Variants in UBR1 observed in about 807,000 individuals in gnomAD.
The protein encoded by UBR1 is E3 ubiquitin-protein ligase UBR1.
Under a neutral mutation model 242.1 loss-of-function variants are expected in UBR1, and 102 were observed. The ratio of observed to expected loss-of-function variants is 0.42; its 90% CI spans 0.36 to 0.50. UBR1 has a LOEUF of 0.50. UBR1 is among the 20% of genes least tolerant of loss of function. The pLI, the probability that UBR1 is intolerant of heterozygous loss-of-function variation, is 0.01. For missense variants in UBR1, 1,772 were observed against 2,101.8 expected (o/e 0.84, Z 3.07); for synonymous variants, 675 against 684.8 (o/e 0.99, Z 0.22).
rs1403669374 is a variant in UBR1 at position 42,984,872 on chromosome 15, T to C, written c.4053+15A>G. The C allele has an allele frequency of 1.2e-6, 2 of 1,607,534 alleles. No homozygotes were observed. The highest frequency in any genetic ancestry group is 8.5e-7 in the Non-Finnish European group (1 of 1,174,544). On this transcript the variant is annotated intron_variant, in intron 36 of 46. Transcript: ENST00000290650. Reference sequence around the variant, plus strand: ...CATGCCATGAGTTACATGTACCTTGTTGGAATATACATACCTGCCTATTTT... The same window carrying C: ...CATGCCATGAGTTACATGTACCTTGCTGGAATATACATACCTGCCTATTTT...
chr15:43,100,903 G>C (rs2034226149), intron 1 of UBR1, among the ~76,000 whole-genome samples: 1 of 152,230 alleles, frequency 6.6e-6, no homozygotes, highest in Non-Finnish European at 1.5e-5. Context: ...TCTCCCTCTG[G>C]AGGAAGAAAC....
intron 3 of UBR1, among the ~76,000 whole-genome samples, chr15:43,081,062 T>C (rs2033969102): frequency 6.6e-6 from 1 of 152,220 alleles, no homozygotes; most frequent in Non-Finnish European, 1.5e-5. Context: ...GTATGTTTAC[T>C]TCTGTAAAAA....
Position 43,018,151 on chromosome 15 carries a change from C to T in UBR1, c.2941-970G>A, listed in dbSNP as rs144615319. Among the ~76,000 whole-genome samples the T allele has an allele frequency of 1.3e-3, 196 of 151,804 alleles. 2 individuals carry two copies. Among genetic ancestry groups the T allele is most frequent in the African/African-American group, 4.1e-3 (171 of 41,398 alleles). ...CTGAATAGCTAGGACTACAGGTGCC[C>T]GCCATAACGCCCGGCTAATTTTTGT... On this transcript the variant is annotated intron_variant, in intron 27 of 46. Coordinates refer to ENST00000290650, the MANE Select transcript of UBR1 (RefSeq NM_174916.3).
chr15:42,970,698 C>T (rs1344708932), intron 39 of UBR1, 91 bp from the exon 40 acceptor site: 10 of 1,178,732 alleles, frequency 8.5e-6, no homozygotes, highest in Admixed American at 7.4e-5. Flanking sequence ...CAATAAACAA[C>T]GTAGATTCAT....
chr15:43,055,146 T>C (rs1470969980), intron 11 of UBR1, among the ~76,000 whole-genome samples: 1 of 152,242 alleles, frequency 6.6e-6, no homozygotes, highest in Non-Finnish European at 1.5e-5. Flanking sequence ...ACAGGTTATC[T>C]AGATAAATGT....
chr15:43,017,877 G>A (rs966467756), intron 27 of UBR1, among the ~76,000 whole-genome samples: 1 of 151,244 alleles, frequency 6.6e-6, no homozygotes, highest in African/African-American at 2.4e-5. Flanking sequence ...ACCTCTATCA[G>A]AATATATAAT....
chr15:43,090,983 A>G lies in UBR1; in HGVS notation c.82-4743T>C, dbSNP rs892684701. ...AGGTGGAGTTTTGCTCTTCTTGCCC[A>G]GGCTGGAGTGCAATGGCACGATCTC... On this transcript the variant is annotated intron_variant, in intron 1 of 46. Transcript: ENST00000290650. Among the ~76,000 whole-genome samples the G allele has an allele frequency of 1.6e-4, 24 of 152,268 alleles. No individual in the cohort carries two copies. The South Asian group carries it at 5.0e-3, about 32-fold the overall frequency.
chr15:43,017,735 G>A (rs982843487), intron 27 of UBR1, among the ~76,000 whole-genome samples: 19 of 151,342 alleles, frequency 1.3e-4, no homozygotes, highest in Non-Finnish European at 2.4e-4. Flanking sequence ...GCTTGAACCT[G>A]GGAAGTGAAG....
chr15:42,957,738 T>C (rs893016145), intron 44 of UBR1, among the ~76,000 whole-genome samples: 4 of 152,020 alleles, frequency 2.6e-5, no homozygotes, highest in African/African-American at 9.7e-5. Flanking sequence ...TAGCAGGGCA[T>C]GGTGGCGCCT....
chr15:42,964,197 C>T lies in UBR1; in HGVS notation c.4592-154G>A, dbSNP rs138877064. On this transcript the variant is annotated intron_variant, in intron 41 of 46. Coordinates refer to ENST00000290650, the MANE Select transcript of UBR1 (RefSeq NM_174916.3). ...AAAACCATGGGTGGCAGTCCGGGCA[C>T]GGTGGCTCATGCCTGTAATCCCAGC... 4.2e-3 allele frequency among the ~76,000 whole-genome samples: 642 copies of T among 152,212 alleles called. 14 individuals are homozygous for T. In the East Asian group the frequency reaches 0.051, roughly 12 times the overall value.
chr15:42,969,915 T>G (rs916985129), intron 40 of UBR1, among the ~76,000 whole-genome samples: 1 of 152,228 alleles, frequency 6.6e-6, no homozygotes, highest in African/African-American at 2.4e-5. Context: ...ATGGTCGTAC[T>G]GCTCAAAGTA....
At chr15:42,988,789 C>T (rs749731253) in intron 35 of UBR1, 30 bp downstream of exon 35, 1 of 1,613,974 alleles carries the variant, frequency 6.2e-7, no homozygotes, top group South Asian at 1.1e-5. Context: ...CTCACTGAAA[C>T]CTCCAAACCA....
chr15:42,996,194 T>C (rs2032635604), intron 33 of UBR1, among the ~76,000 whole-genome samples: 1 of 152,232 alleles, frequency 6.6e-6, no homozygotes, highest in African/African-American at 2.4e-5. Context: ...TGAGTCCTAT[T>C]GTTTTATACT....
Position 42,945,292 on chromosome 15 carries a change from G to A in UBR1, c.*37C>T. On this transcript the variant is annotated 3_prime_UTR_variant, in exon 47 of 47. Coordinates refer to ENST00000290650, the MANE Select transcript of UBR1 (RefSeq NM_174916.3). ...TAATTTTGAATCAGCCTTTACTACT[G>A]TCGTCATTTGTGATTGTCTTGAGGC... 6.2e-7 allele frequency: 1 copy of A among 1,613,908 alleles called. No homozygotes were observed. The highest frequency in any genetic ancestry group is 8.5e-7 in the Non-Finnish European group (1 of 1,179,926).
At chr15:43,034,237 AAAATAAAT>A (rs35184791) in intron 19 of UBR1, among the ~76,000 whole-genome samples, 537 of 110,920 alleles carry the variant, frequency 4.8e-3, no homozygotes, top group African/African-American at 0.014. Flanking sequence ...CTCCATCTCA[AAAATAAAT>A]AAATAAATAA....
intron 35 of UBR1, chr15:42,988,585 T>A (rs8038952): frequency 1.8e-6 from 1 of 541,638 alleles, no homozygotes; most frequent in South Asian, 2.1e-5. Flanking sequence ...CCCAGCTTTT[T>A]AAAAATATTT....
At chr15:43,063,527 A>G (rs2033713366) in intron 6 of UBR1, among the ~76,000 whole-genome samples, 1 of 152,148 alleles carries the variant, frequency 6.6e-6, no homozygotes, top group South Asian at 2.1e-4. Context: ...CCAGGAGCCA[A>G]GTGCAGTGGC....
chr15:43,100,796 C>T (rs1007256647), intron 1 of UBR1, among the ~76,000 whole-genome samples: 1 of 152,150 alleles, frequency 6.6e-6, no homozygotes, highest in African/African-American at 2.4e-5. Context: ...GATCGCACCA[C>T]GCACTCCAGC....
chr15:43,029,069 A>G (rs968436290), intron 21 of UBR1, among the ~76,000 whole-genome samples: 7 of 152,240 alleles, frequency 4.6e-5, no homozygotes, highest in Admixed American at 4.6e-4. Flanking sequence ...TGGGTGACAG[A>G]GCGAGACTTC....
Sources: gnomAD v4.1 joint callset for allele counts (sites outside exome capture counted in the v4.1 genomes callset) on GRCh38, gnomAD v4.1.1 for gene constraint, MANE v1.5 for transcripts, NCBI Gene and HGNC (gene_info 2026-07-23, HGNC 2026-07-21) for gene names.